The following MAL2 variants were observed in gnomAD, a reference collection of about 807,000 sequenced individuals.
The protein encoded by MAL2 is mal, T cell differentiation protein 2, also known as protein MAL2.
MAL2 carries 17 observed loss-of-function variants against 18.1 expected under a neutral mutation model. The ratio of observed to expected loss-of-function variants is 0.94; its 90% CI spans 0.64 to 1.41. The LOEUF (loss-of-function observed/expected upper bound fraction) is 1.41, where lower values mean the gene tolerates loss of function less well. MAL2 is among the 40% of genes most tolerant of loss of function. MAL2 has a pLI of 0.00. For synonymous variants in MAL2, 102 were observed against 102.3 expected, an observed-to-expected ratio of 1.00 and a Z score of 0.02; for missense variants, 222 against 231.9, an observed-to-expected ratio of 0.96 and a Z score of 0.28.
At position 119,240,279 on chromosome 8, in the gene MAL2, C is replaced by A. The variant is rs777680834; in HGVS notation, c.418C>A (p.Leu140Ile). The A allele has an allele frequency of 5.6e-6, 9 of 1,613,710 alleles. No individual in the cohort carries two copies. Among genetic ancestry groups the A allele is most frequent in the Non-Finnish European group, 7.6e-6 (9 of 1,179,844 alleles). ...HCNTTITGQPLLSDNQYNINV... is the reference protein window; with the variant it reads ...HCNTTITGQPILSDNQYNINV... The stretch of plus-strand genomic sequence containing the variant: ...CAATACAACCATAACCGGGCAGCCA[C>A]TCCTGAGTGATAACCAGTATAACAT... The change falls in exon 3 of 4, where the codon CTC becomes ATC. Residue 140 changes from leucine (L) to isoleucine (I), a missense_variant. Physicochemically the swap from Leu to Ile is conservative, Grantham distance 5. Transcript: ENST00000614891.
chr8:119,239,641 A>T (rs1265478052), intron 2 of MAL2, among the ~76,000 whole-genome samples: 1 of 151,680 alleles, frequency 6.6e-6, no homozygotes, highest in East Asian at 1.9e-4. Context: ...GAAATTGGAA[A>T]TCATCATTCT....
At chr8:119,224,644 G>A (rs1377276360) in intron 2 of MAL2, among the ~76,000 whole-genome samples, 3 of 151,758 alleles carry the variant, frequency 2.0e-5, no homozygotes, top group Non-Finnish European at 2.9e-5. Flanking sequence ...ACAGCCCCCC[G>A]AGTAGTATAC....
At chr8:119,233,660 G>C (rs1454493788) in intron 2 of MAL2, among the ~76,000 whole-genome samples, 8 of 152,038 alleles carry the variant, frequency 5.3e-5, no homozygotes, top group Non-Finnish European at 1.2e-4. Context: ...CCAATAACAG[G>C]CTCTGAAATT....
intron 2 of MAL2, among the ~76,000 whole-genome samples, chr8:119,225,167 C>T (rs1037374969): frequency 1.1e-4 from 17 of 152,042 alleles, no homozygotes; most frequent in Non-Finnish European, 1.6e-4. Context: ...ATGTGCACAA[C>T]GTGCAGGTTA....
At position 119,240,215 on chromosome 8, in the gene MAL2, A is replaced by G. The variant is rs1818018132; in HGVS notation, c.354A>G (p.Leu118=). The G allele has an allele frequency of 4.3e-6, 7 of 1,613,342 alleles. No homozygotes were observed. Among genetic ancestry groups the G allele is most frequent in the South Asian group, 1.1e-5 (1 of 91,058 alleles). Residue 118 remains leucine, a synonymous_variant, in exon 3 of 4, where the codon TTA becomes TTG. Coordinates refer to ENST00000614891, the MANE Select transcript of MAL2 (RefSeq NM_052886.3). The part of the protein sequence containing the change: ...TVFVFYFGAF[L]LEAAATSLHD... Reference sequence around the variant, plus strand: ...TTGTCTTCTATTTTGGAGCCTTTTTATTGGAAGCAGCAGCCACATCCCTGC... The same window carrying G: ...TTGTCTTCTATTTTGGAGCCTTTTTGTTGGAAGCAGCAGCCACATCCCTGC...
chr8:119,220,577 C>T (rs370532293), intron 1 of MAL2, among the ~76,000 whole-genome samples: 3 of 152,108 alleles, frequency 2.0e-5, no homozygotes, highest in African/African-American at 7.2e-5. Flanking sequence ...TTCCTTGGCC[C>T]GAGCTTCAGC....
In MAL2 at chr8:119,243,592, T is replaced by A; in HGVS notation, c.*104T>A. 2 of 977,806 alleles carry A rather than the reference T, an allele frequency of 2.0e-6. No homozygotes were observed. Among genetic ancestry groups the A allele is most frequent in the Non-Finnish European group, 2.9e-6 (2 of 682,392 alleles). The allele number at this position is 977,806 out of a possible 1,614,324, so 60.6% of individuals were successfully genotyped here. A position where few individuals can be genotyped will look rare whatever the true frequency, so the allele number is the denominator to read the frequency against. On this transcript the variant is annotated 3_prime_UTR_variant, in exon 4 of 4. Transcript: ENST00000614891. ...TCCAGATGCAAAAACATTCCAAAAG[T>A]AATGTGTTTAGTAGAGAGAGACTCT...
At chr8:119,242,992 C>A (rs1480942795) in intron 3 of MAL2, among the ~76,000 whole-genome samples, 1 of 152,180 alleles carries the variant, frequency 6.6e-6, no homozygotes, top group East Asian at 1.9e-4. Flanking sequence ...AAGTTACCTT[C>A]CATCATCATA....
At chr8:119,222,482 C>T (rs1000284380) in intron 2 of MAL2, among the ~76,000 whole-genome samples, 2 of 149,172 alleles carry the variant, frequency 1.3e-5, no homozygotes, top group Non-Finnish European at 3.0e-5. Flanking sequence ...GATTGTGCCA[C>T]TGTACTCCAG....
chr8:119,213,170 A>G (rs930770903), intron 1 of MAL2, among the ~76,000 whole-genome samples: 1 of 152,210 alleles, frequency 6.6e-6, no homozygotes, highest in Admixed American at 6.5e-5. Context: ...TGATACCTAG[A>G]CTAAACTTAA....
chr8:119,234,857 G>GA (rs1399079468), intron 2 of MAL2, among the ~76,000 whole-genome samples: 7 of 151,784 alleles, frequency 4.6e-5, no homozygotes, highest in Non-Finnish European at 8.8e-5. Context: ...CAAAGATGGG[G>GA]AAAAAACAGA....
chr8:119,240,199 AT>A lies in MAL2; in HGVS notation c.342del (p.Phe114LeufsTer22). 6.2e-7 allele frequency: 1 copy of A among 1,613,334 alleles called. No homozygotes were observed. The highest frequency in any genetic ancestry group is 8.5e-7 in the Non-Finnish European group (1 of 1,179,696). On this transcript the variant is annotated frameshift_variant, in exon 3 of 4. Transcript: ENST00000614891. LOFTEE classifies it high-confidence loss of function. ...FAYHFTVFVF[Y>X]FGAFLLEAAA... is the part of the protein sequence containing the mutation. The stretch of plus-strand genomic sequence containing the variant: ...TACCATTTTACAGTATTTGTCTTCT[AT>A]TTTGGAGCCTTTTTATTGGAAGCAG...
At chr8:119,215,744 G>A (rs915846878) in intron 1 of MAL2, 1 of 152,178 alleles carries the variant, frequency 6.6e-6, no homozygotes, top group African/African-American at 2.4e-5. Flanking sequence ...GAGGGGTAGA[G>A]GCTGGAATGC....
rs1315290349 is a variant in MAL2, at chr8:119,208,559, C to G, written c.87C>G (p.Pro29=). 2.1e-6 allele frequency: 3 copies of G among 1,400,914 alleles called. No homozygotes were observed. Among genetic ancestry groups the G allele is most frequent in the Non-Finnish European group, 2.8e-6 (3 of 1,072,540 alleles). 86.8% of individuals were successfully genotyped at this position (1,400,914 alleles called of 1,614,324 possible). ...PPPRVTLPAG[P]DILRTYSGAF... Reference sequence around the variant, plus strand: ...CCCGGGTCACCCTGCCCGCCGGCCCCGACATCCTGCGGACCTACTCGGGCG... The same window carrying G: ...CCCGGGTCACCCTGCCCGCCGGCCCGGACATCCTGCGGACCTACTCGGGCG... The change falls in exon 1 of 4, where the codon CCC becomes CCG. Residue 29 remains proline, a synonymous_variant. Transcript: ENST00000614891. This position sits in a 1 kb window ranked among gnomAD's most constrained non-coding sequence, Gnocchi z 4.3.
chr8:119,225,635 A>G (rs1352951323), intron 2 of MAL2, among the ~76,000 whole-genome samples: 1 of 152,342 alleles, frequency 6.6e-6, no homozygotes, highest in Non-Finnish European at 1.5e-5. Flanking sequence ...GTATATACCC[A>G]GTAATGGGAT....
Position 119,208,790 on chromosome 8 carries a change from A to G in MAL2, c.132+186A>G. On this transcript the variant is annotated intron_variant, in intron 1 of 3. Coordinates refer to ENST00000614891, the MANE Select transcript of MAL2 (RefSeq NM_052886.3). The surrounding 1 kb of genome is among the most constrained non-coding windows in gnomAD (Gnocchi z 4.3). ...CGCCGCCCGGGCCCTCCCTCCTAGC[A>G]CCTGTTACGCGGGCACCTGCTCCCC... is the stretch of plus-strand genomic sequence containing the variant. 1 of 953,330 alleles carries G rather than the reference A, an allele frequency of 1.0e-6. No homozygotes were observed. The highest frequency in any genetic ancestry group is 1.7e-5 in the African/African-American group (1 of 58,470). 59.1% of individuals were successfully genotyped at this position (953,330 alleles called of 1,614,324 possible).
chr8:119,214,994 G>A (rs1439428152), intron 1 of MAL2: 2 of 152,758 alleles, frequency 1.3e-5, no homozygotes, highest in Non-Finnish European at 2.9e-5. Flanking sequence ...GACAGATGGG[G>A]ACTGATGAGG....
At chr8:119,215,303 A>C (rs1817331368) in intron 1 of MAL2, 1 of 152,156 alleles carries the variant, frequency 6.6e-6, no homozygotes, top group South Asian at 2.1e-4. Context: ...CCAGGGAGTG[A>C]GCTGGGCTCC....
chr8:119,240,122 A>G (rs760848118), intron 2 of MAL2, 43 bp from the exon 3 acceptor site: 16 of 1,582,492 alleles, frequency 1.0e-5, no homozygotes, highest in Admixed American at 3.5e-5. Flanking sequence ...GAACAGAAAA[A>G]TATTTTTTTT....
Sources: gnomAD v4.1 joint callset for allele counts (sites outside exome capture counted in the v4.1 genomes callset) on GRCh38, gnomAD v4.1.1 for gene constraint, Gnocchi (gnomAD v3.1) non-coding constraint, MANE v1.5 for transcripts, NCBI Gene and HGNC (gene_info 2026-07-23, HGNC 2026-07-21) for gene names.